Variants in KCNC4 observed in about 807,000 individuals in gnomAD.
KCNC4 encodes potassium voltage-gated channel subfamily C member 4.
Under a neutral mutation model 42.8 loss-of-function variants are expected in KCNC4, and 23 were observed. That is an observed-to-expected ratio of 0.54 (90% CI 0.39 to 0.76). The LOEUF is 0.76. Among genes scored for constraint, KCNC4 ranks in the 30% least tolerant of loss-of-function variants. The pLI is 0.00. For missense variants in KCNC4, 751 were observed against 898.2 expected, an observed-to-expected ratio of 0.84 and a Z score of 2.10; for synonymous variants, 422 against 393.5, an observed-to-expected ratio of 1.07 and a Z score of -0.86.
intron 3 of KCNC4, among the ~76,000 whole-genome samples, chr1:110,228,330 C>G (rs1012625738): frequency 6.6e-6 from 1 of 152,102 alleles, no homozygotes. Context: ...GGAAGCTTAC[C>G]TGGGGGCAGG....
At chr1:110,216,114 C>A (rs1393932775) in intron 1 of KCNC4, among the ~76,000 whole-genome samples, 1 of 152,242 alleles carries the variant, frequency 6.6e-6, no homozygotes, top group African/African-American at 2.4e-5. Flanking sequence ...GAGCATGAAA[C>A]CAAGGCCTTC....
downstream of KCNC4, among the ~76,000 whole-genome samples, chr1:110,249,825 A>G (rs373447264): frequency 2.0e-5 from 3 of 152,180 alleles, no homozygotes; most frequent in Admixed American, 6.5e-5. Flanking sequence ...TGCAACCTAT[A>G]TAGCCATCCA....
chr1:110,219,520 C>T (rs960632360), intron 1 of KCNC4, among the ~76,000 whole-genome samples: 1 of 152,162 alleles, frequency 6.6e-6, no homozygotes, highest in African/African-American at 2.4e-5. Context: ...CTGTTCTCTG[C>T]CCTTAGTCTG....
intron 3 of KCNC4, among the ~76,000 whole-genome samples, chr1:110,227,396 G>A (rs2101028362): frequency 6.6e-6 from 1 of 152,356 alleles, no homozygotes; most frequent in Non-Finnish European, 1.5e-5. Flanking sequence ...ACCAGCCCCT[G>A]AAAGGTGTGT....
At chr1:110,265,285 A>G (rs1659517501) in intron 1 of KCNC4, among the ~76,000 whole-genome samples, 1 of 151,898 alleles carries the variant, frequency 6.6e-6, no homozygotes, top group Admixed American at 6.6e-5. Context: ...AAATAAGTTT[A>G]CAAGTGGCTG....
At chr1:110,226,376 G>C (rs375288185) in intron 3 of KCNC4, 198 bp downstream of exon 3, 2 of 613,384 alleles carry the variant, frequency 3.3e-6, no homozygotes, top group East Asian at 5.6e-5. Context: ...TCTCAGAAGG[G>C]CACACGGCTC....
intron 1 of KCNC4, among the ~76,000 whole-genome samples, chr1:110,280,387 C>G (rs967795287): frequency 6.6e-6 from 1 of 151,718 alleles, no homozygotes; most frequent in East Asian, 1.9e-4. Context: ...AGGTTGAAGA[C>G]TCTGGGGGAG....
intron 1 of KCNC4, among the ~76,000 whole-genome samples, chr1:110,267,263 G>T (rs1381172787): frequency 2.0e-5 from 3 of 152,182 alleles, no homozygotes; most frequent in Admixed American, 2.0e-4. Context: ...CCATTCTGAT[G>T]CAGAAGAACC....
exon 4 of KCNC4, chr1:110,239,697 C>A (rs1658987846): frequency 6.6e-6 from 1 of 152,158 alleles, no homozygotes. Flanking sequence ...TAGGGCATTC[C>A]TGGGAGTCCT....
At chr1:110,232,257 C>T (rs1161172452) in intron 3 of KCNC4, 1 of 1,614,022 alleles carries the variant, frequency 6.2e-7, no homozygotes, top group African/African-American at 1.3e-5. Context: ...CTTCAGCATT[C>T]ACCTGAGGCT....
rs1051799562 is a variant in KCNC4 at position 110,210,727 on chromosome 1, G to C, written c.-773G>C. On this transcript the variant is annotated 5_prime_UTR_variant, in exon 1 of 4. Coordinates refer to ENST00000438661, the MANE Select transcript of KCNC4 (RefSeq NM_001039574.3). ...CGCGGCCCCCGCAGCGCTGCGCCCGGTCCGGCGCAGCTCCCAGCCGCGGAC... is the reference window on the plus strand; with the variant it reads ...CGCGGCCCCCGCAGCGCTGCGCCCGCTCCGGCGCAGCTCCCAGCCGCGGAC... Among the ~76,000 whole-genome samples the C allele has an allele frequency of 7.3e-5, 11 of 151,386 alleles. No individual in the cohort carries two copies. In the East Asian group the frequency reaches 7.8e-4, roughly 11 times the overall value.
At chr1:110,229,312 C>T (rs528810708) in intron 3 of KCNC4, among the ~76,000 whole-genome samples, 3 of 152,194 alleles carry the variant, frequency 2.0e-5, no homozygotes, top group African/African-American at 7.2e-5. Context: ...CTATCCCTGG[C>T]TTGGGGCGCA....
At chr1:110,281,634 C>A (rs996968613) in intron 1 of KCNC4, among the ~76,000 whole-genome samples, 1 of 151,754 alleles carries the variant, frequency 6.6e-6, no homozygotes, top group Non-Finnish European at 1.5e-5. Flanking sequence ...AGCTCTCATG[C>A]CTATTCTGTG....
chr1:110,283,925 G>C (rs749153503), downstream of KCNC4, among the ~76,000 whole-genome samples: 23 of 152,172 alleles, frequency 1.5e-4, no homozygotes, highest in Non-Finnish European at 2.6e-4. Context: ...TTCTGCTGAG[G>C]CATCACTAAA....
chr1:110,222,894 T>C, intron 1 of KCNC4, 70 bp from the exon 2 acceptor site: 1 of 1,167,344 alleles, frequency 8.6e-7, no homozygotes, highest in Non-Finnish European at 1.2e-6. Context: ...CATGCAGAAG[T>C]CCACGTCCCC....
At chr1:110,276,891 G>A (rs1046315591) in intron 1 of KCNC4, among the ~76,000 whole-genome samples, 1 of 152,206 alleles carries the variant, frequency 6.6e-6, no homozygotes, top group African/African-American at 2.4e-5. Flanking sequence ...GCAAAAGTGA[G>A]TTGATAACAG....
intron 1 of KCNC4, among the ~76,000 whole-genome samples, chr1:110,262,622 C>G (rs1342928072): frequency 2.0e-5 from 3 of 152,220 alleles, no homozygotes; most frequent in Non-Finnish European, 4.4e-5. Flanking sequence ...ATAGGATAAG[C>G]TCTAATTTCT....
At chr1:110,228,131 C>T (rs1159217821) in intron 3 of KCNC4, among the ~76,000 whole-genome samples, 1 of 152,214 alleles carries the variant, frequency 6.6e-6, no homozygotes, top group Non-Finnish European at 1.5e-5. Context: ...TGCCGCACTT[C>T]TCCACACTCA....
chr1:110,276,578 A>T (rs1570587213), intron 1 of KCNC4, among the ~76,000 whole-genome samples: 1 of 151,986 alleles, frequency 6.6e-6, no homozygotes, highest in Non-Finnish European at 1.5e-5. Flanking sequence ...AAAAGCATAA[A>T]CCAACCTCCT....
Sources: allele counts gnomAD v4.1 joint callset (sites outside exome capture counted in the v4.1 genomes callset), GRCh38; gene constraint gnomAD v4.1.1; transcripts MANE v1.5; gene names NCBI Gene and HGNC (gene_info 2026-07-23, HGNC 2026-07-21).